ADAM23: variants seen among roughly 807,000 people sequenced by gnomAD.
ADAM23 encodes ADAM metallopeptidase domain 23.
Under a neutral mutation model 120.1 loss-of-function variants are expected in ADAM23, and 33 were observed. The observed-to-expected ratio is 0.27, with a 90% confidence interval of 0.21 to 0.37. The LOEUF is 0.37. ADAM23 is among the 10% of genes least tolerant of loss of function. The probability of loss-of-function intolerance (pLI) is 1.00; values close to 1 mark genes in which losing one functional copy is unlikely to be tolerated. For synonymous variants in ADAM23, 367 were observed against 375.2 expected (o/e 0.98, Z 0.25); for missense variants, 862 against 1,058.2 (o/e 0.81, Z 2.57).
chr2:206,617,686 G>T lies in ADAM23; in HGVS notation c.*59G>T, dbSNP rs9917158. 1 of 1,605,230 alleles carries T rather than the reference G, an allele frequency of 6.2e-7. No homozygotes were observed. Among genetic ancestry groups the T allele is most frequent in the Non-Finnish European group, 8.5e-7 (1 of 1,175,890 alleles). On this transcript the variant is annotated 3_prime_UTR_variant, in exon 26 of 26. Coordinates refer to ENST00000264377, the MANE Select transcript of ADAM23 (RefSeq NM_003812.4). ...GTTGGATTCTGGGTATGACATACTC[G>T]CAGCAGTGTTACTGGAACTATTAAG...
Position 206,602,414 on chromosome 2 carries a change from A to G in ADAM23, c.2359+6252A>G, listed in dbSNP as rs537620511. Among the ~76,000 whole-genome samples the G allele has an allele frequency of 3.9e-5, 6 of 152,296 alleles. No individual in the cohort carries two copies. In the South Asian group the frequency reaches 1.2e-3, roughly 32 times the overall value. ...GGAGATCTGATTGTATGTATAATGTATTGAAATATGGAGCTACATACCAAT... is the reference window on the plus strand; with the variant it reads ...GGAGATCTGATTGTATGTATAATGTGTTGAAATATGGAGCTACATACCAAT... On this transcript the variant is annotated intron_variant, in intron 24 of 25. Transcript: ENST00000264377.
intron 3 of ADAM23, 64 bp from the exon 4 acceptor site, chr2:206,530,821 C>G: frequency 6.9e-7 from 1 of 1,447,498 alleles, no homozygotes; most frequent in Non-Finnish European, 9.7e-7. Flanking sequence ...TTTATTGAGC[C>G]GATTGTTTTT....
At chr2:206,457,903 A>G (rs1164311209) in intron 2 of ADAM23, among the ~76,000 whole-genome samples, 1 of 152,202 alleles carries the variant, frequency 6.6e-6, no homozygotes, top group African/African-American at 2.4e-5. Flanking sequence ...ATTTTTTACT[A>G]ATTAAGGAAA....
chr2:206,565,729 C>T (rs1462395972), intron 14 of ADAM23, among the ~76,000 whole-genome samples: 1 of 152,172 alleles, frequency 6.6e-6, no homozygotes, highest in African/African-American at 2.4e-5. Context: ...TAACCCACTC[C>T]TAGTAGAGGG....
chr2:206,467,207 T>A (rs775825084), intron 2 of ADAM23, among the ~76,000 whole-genome samples: 1 of 152,198 alleles, frequency 6.6e-6, no homozygotes, highest in Admixed American at 6.5e-5. Flanking sequence ...AGTCATGCCT[T>A]CTGAACAGTC....
intron 18 of ADAM23, among the ~76,000 whole-genome samples, chr2:206,583,173 G>A (rs1057101371): frequency 3.3e-5 from 5 of 152,080 alleles, no homozygotes; most frequent in East Asian, 1.9e-4. Context: ...CTCTTCCTCC[G>A]GCCGGGCACA....
At chr2:206,602,403 A>G (rs1574560710) in intron 24 of ADAM23, among the ~76,000 whole-genome samples, 1 of 152,186 alleles carries the variant, frequency 6.6e-6, no homozygotes, top group Non-Finnish European at 1.5e-5. Context: ...ATCTGATTGT[A>G]TGTATAATGT....
At chr2:206,559,608 C>G (rs1697717167) in intron 10 of ADAM23, among the ~76,000 whole-genome samples, 1 of 152,128 alleles carries the variant, frequency 6.6e-6, no homozygotes. Context: ...ATATCAGGCT[C>G]CAACCTGTTA....
At chr2:206,535,275 G>A (rs1697150796) in intron 4 of ADAM23, among the ~76,000 whole-genome samples, 2 of 152,142 alleles carry the variant, frequency 1.3e-5, no homozygotes, top group South Asian at 4.1e-4. Context: ...TACCTATGAG[G>A]ATGGCTATAA....
At chr2:206,495,127 C>G (rs2105888580) in intron 3 of ADAM23, among the ~76,000 whole-genome samples, 1 of 152,272 alleles carries the variant, frequency 6.6e-6, no homozygotes, top group East Asian at 1.9e-4. Flanking sequence ...GGCCAACATT[C>G]AAATTCAGGA....
chr2:206,498,286 C>T (rs1696303176), intron 3 of ADAM23, among the ~76,000 whole-genome samples: 1 of 152,156 alleles, frequency 6.6e-6, no homozygotes, highest in African/African-American at 2.4e-5. Context: ...CAGCATGTTA[C>T]TGGTACCAAA....
Position 206,578,686 on chromosome 2 carries a change from T to C in ADAM23, c.1737+5491T>C, listed in dbSNP as rs924399176. Among the ~76,000 whole-genome samples the C allele has an allele frequency of 2.6e-5, 4 of 152,198 alleles. No individual in the cohort carries two copies. The South Asian group carries it at 8.3e-4, about 32-fold the overall frequency. Reference sequence around the variant, plus strand: ...GGTTCCATGATTTTGCAGTTGTGAATTGTGCTACTATAAACATCTGTGCGC... The same window carrying C: ...GGTTCCATGATTTTGCAGTTGTGAACTGTGCTACTATAAACATCTGTGCGC... On this transcript the variant is annotated intron_variant, in intron 18 of 25. Coordinates refer to ENST00000264377, the MANE Select transcript of ADAM23 (RefSeq NM_003812.4).
chr2:206,552,707 G>A (rs1697556393), intron 9 of ADAM23, among the ~76,000 whole-genome samples: 1 of 152,208 alleles, frequency 6.6e-6, no homozygotes, highest in South Asian at 2.1e-4. Flanking sequence ...TGTCACCCAG[G>A]CTGGAGTACA....
chr2:206,545,274 T>C (rs1020808038), intron 6 of ADAM23, among the ~76,000 whole-genome samples: 8 of 151,860 alleles, frequency 5.3e-5, no homozygotes, highest in African/African-American at 1.9e-4. Context: ...GATCACGAGG[T>C]CAGGAGTTTG....
chr2:206,557,800 A>G (rs1697676561), intron 10 of ADAM23, among the ~76,000 whole-genome samples: 1 of 152,196 alleles, frequency 6.6e-6, no homozygotes, highest in South Asian at 2.1e-4. Context: ...TCTATTTGCT[A>G]TTATACTGGC....
At chr2:206,489,989 T>C (rs1696097644) in intron 3 of ADAM23, among the ~76,000 whole-genome samples, 1 of 152,234 alleles carries the variant, frequency 6.6e-6, no homozygotes, top group South Asian at 2.1e-4. Context: ...ATTCGTACGT[T>C]GAAGTTCTAA....
chr2:206,535,363 A>G (rs1489608656), intron 4 of ADAM23, among the ~76,000 whole-genome samples: 1 of 152,174 alleles, frequency 6.6e-6, no homozygotes, highest in East Asian at 1.9e-4. Flanking sequence ...GTGGGAATGT[A>G]AAATGTTGTG....
At chr2:206,454,292 A>T (rs1199388287) in intron 2 of ADAM23, among the ~76,000 whole-genome samples, 2 of 152,158 alleles carry the variant, frequency 1.3e-5, no homozygotes, top group Non-Finnish European at 2.9e-5. Context: ...GGAAAGAGAG[A>T]GAGAGAGAAG....
At chr2:206,496,568 AC>A (rs1434788072) in intron 3 of ADAM23, among the ~76,000 whole-genome samples, 3 of 152,182 alleles carry the variant, frequency 2.0e-5, no homozygotes, top group Non-Finnish European at 2.9e-5. Flanking sequence ...TAAAATTGAC[AC>A]CCTAACATCA....
Sources: allele counts gnomAD v4.1 joint callset (sites outside exome capture counted in the v4.1 genomes callset), GRCh38; gene constraint gnomAD v4.1.1; transcripts MANE v1.5; gene names NCBI Gene and HGNC (gene_info 2026-07-23, HGNC 2026-07-21).